Variants in FNDC3A observed in about 807,000 individuals in gnomAD.
FNDC3A encodes fibronectin type III domain containing 3A, also known as fibronectin type-III domain-containing protein 3A.
A neutral mutation model predicts 148.9 loss-of-function variants in FNDC3A; 32 were observed. That is an observed-to-expected ratio of 0.21 (90% CI 0.16 to 0.29). FNDC3A has a LOEUF of 0.29. Among genes scored for constraint, FNDC3A ranks in the 10% least tolerant of loss-of-function variants. FNDC3A has a pLI of 1.00. For synonymous variants in FNDC3A, 472 were observed against 473.6 expected (o/e 1.00, Z 0.04); for missense variants, 1,191 against 1,452.8 (o/e 0.82, Z 2.93).
intron 12 of FNDC3A, among the ~76,000 whole-genome samples, chr13:49,175,147 C>T (rs1342880241): frequency 6.6e-6 from 1 of 152,072 alleles, no homozygotes; most frequent in East Asian, 1.9e-4. Context: ...GATATAAAGG[C>T]TTACAAATCT....
At chr13:49,198,600 T>TA in intron 23 of FNDC3A, 26 bp downstream of exon 23, 8 of 1,538,668 alleles carry the variant, frequency 5.2e-6, no homozygotes, top group Non-Finnish European at 7.2e-6. Context: ...TGCTTCTTTA[T>TA]ATAGTTTCTT....
At chr13:49,117,372 T>C (rs117911702) in intron 4 of FNDC3A, among the ~76,000 whole-genome samples, 2 of 152,336 alleles carry the variant, frequency 1.3e-5, no homozygotes, top group Non-Finnish European at 2.9e-5. Context: ...AGCCGAACAT[T>C]TCTCACATGC....
intron 3 of FNDC3A, among the ~76,000 whole-genome samples, chr13:49,090,058 C>T (rs1453436166): frequency 3.9e-5 from 6 of 152,106 alleles, no homozygotes; most frequent in Non-Finnish European, 5.9e-5. Context: ...CCACCATGTC[C>T]ATGTGCCAAA....
At chr13:49,017,105 A>G (rs935360764) in intron 2 of FNDC3A, among the ~76,000 whole-genome samples, 1 of 152,098 alleles carries the variant, frequency 6.6e-6, no homozygotes, top group Non-Finnish European at 1.5e-5. Context: ...AGTTCTGCAG[A>G]TGTCTATTAG....
chr13:49,002,132 GT>G (rs1344765488), intron 1 of FNDC3A, among the ~76,000 whole-genome samples: 3 of 152,166 alleles, frequency 2.0e-5, no homozygotes, highest in Admixed American at 6.5e-5. Flanking sequence ...TCAGGGGCAG[GT>G]TCCCCCAGTA....
intron 4 of FNDC3A, among the ~76,000 whole-genome samples, chr13:49,120,028 C>T (rs1435628344): frequency 6.6e-6 from 1 of 152,012 alleles, no homozygotes; most frequent in East Asian, 1.9e-4. Flanking sequence ...AAACCCAAGA[C>T]ACGTAATTGT....
intron 2 of FNDC3A, among the ~76,000 whole-genome samples, chr13:49,060,814 T>G (rs1876628124): frequency 6.6e-6 from 1 of 152,114 alleles, no homozygotes; most frequent in African/African-American, 2.4e-5. Context: ...GAAAGCAGAT[T>G]GGTGATTACC....
intron 3 of FNDC3A, among the ~76,000 whole-genome samples, chr13:49,106,773 C>CAAAAAAAAAAAAAAAAAAAAAAAAAAAAA (rs543962565): frequency 6.3e-5 from 5 of 79,876 alleles, no homozygotes; most frequent in Non-Finnish European, 6.8e-5. Context: ...TGAATGAAAG[C>CAAAAAAAAAAAAAAAAAAAAAAAAAAAAA]AAAAAAAAAA....
At chr13:49,075,407 C>A in intron 3 of FNDC3A, 43 bp downstream of exon 3, 1 of 1,200,340 alleles carries the variant, frequency 8.3e-7, no homozygotes, top group Non-Finnish European at 1.2e-6. Context: ...ACCAAATAAA[C>A]CCCAAAAATT....
At chr13:49,198,728 G>C (rs1167751187) in intron 23 of FNDC3A, among the ~76,000 whole-genome samples, 154 bp downstream of exon 23, 1 of 152,160 alleles carries the variant, frequency 6.6e-6, no homozygotes, top group African/African-American at 2.4e-5. Flanking sequence ...GCCCAGGAGT[G>C]CAAGACCAGC....
chr13:49,121,500 C>T (rs1881339675), intron 4 of FNDC3A, among the ~76,000 whole-genome samples: 1 of 152,056 alleles, frequency 6.6e-6, no homozygotes, highest in African/African-American at 2.4e-5. Flanking sequence ...AAGATCAGAG[C>T]AGAGCTGAAG....
At chr13:49,099,216 T>C (rs1879713835) in intron 3 of FNDC3A, among the ~76,000 whole-genome samples, 1 of 152,186 alleles carries the variant, frequency 6.6e-6, no homozygotes, top group Admixed American at 6.6e-5. Flanking sequence ...TTGACCACCA[T>C]TTTGAATTTC....
chr13:49,128,965 C>CA (rs1881867446), intron 4 of FNDC3A, among the ~76,000 whole-genome samples: 1 of 152,254 alleles, frequency 6.6e-6, no homozygotes, highest in African/African-American at 2.4e-5. Context: ...GCTCCTTTCT[C>CA]ACAACACTTC....
intron 2 of FNDC3A, among the ~76,000 whole-genome samples, chr13:49,016,248 T>C (rs556213871): frequency 1.2e-4 from 19 of 152,296 alleles, no homozygotes; most frequent in Non-Finnish European, 2.4e-4. Context: ...TCTTTTTGGT[T>C]GGTAAGCTAT....
At chr13:49,042,954 T>C (rs1290723409) in intron 2 of FNDC3A, among the ~76,000 whole-genome samples, 1 of 152,072 alleles carries the variant, frequency 6.6e-6, no homozygotes, top group African/African-American at 2.4e-5. Flanking sequence ...TTACAGACAT[T>C]TTCTGTTTTT....
At chr13:49,206,314 G>T (rs1886639773) in intron 25 of FNDC3A, among the ~76,000 whole-genome samples, 1 of 141,386 alleles carries the variant, frequency 7.1e-6, no homozygotes, top group Admixed American at 7.4e-5. Flanking sequence ...GATGCCAGGG[G>T]TGAACAGTTC....
intron 2 of FNDC3A, among the ~76,000 whole-genome samples, chr13:49,020,308 A>G (rs890869163): frequency 6.6e-6 from 1 of 152,212 alleles, no homozygotes; most frequent in Admixed American, 6.5e-5. Context: ...TAAGGAGGTA[A>G]AATTGGTGAA....
At chr13:49,047,136 A>G (rs1875478036) in intron 2 of FNDC3A, among the ~76,000 whole-genome samples, 1 of 151,024 alleles carries the variant, frequency 6.6e-6, no homozygotes, top group Non-Finnish European at 1.5e-5. Flanking sequence ...AGGTTGCTGC[A>G]AGTGCCATTA....
At chr13:49,045,052 CCCTTTCCCTTTT>C (rs1300842726) in intron 2 of FNDC3A, 2 of 50,960 alleles carry the variant, frequency 3.9e-5, no homozygotes, top group Non-Finnish European at 5.5e-5. Flanking sequence ...CTTTTCCTTT[CCCTTTCCCTTTT>C]CCTTTCCCTT....
Sources: gnomAD v4.1 joint callset for allele counts (sites outside exome capture counted in the v4.1 genomes callset) on GRCh38, gnomAD v4.1.1 for gene constraint, MANE v1.5 for transcripts, NCBI Gene and HGNC (gene_info 2026-07-23, HGNC 2026-07-21) for gene names.